RLF: variants seen among roughly 807,000 people sequenced by gnomAD.
The protein encoded by RLF is RLF zinc finger.
A neutral mutation model predicts 162.9 loss-of-function variants in RLF; 7 were observed. The ratio of observed to expected loss-of-function variants is 0.04; its 90% CI spans 0.02 to 0.08. The LOEUF is 0.08. RLF is among the 10% of genes least tolerant of loss of function. The pLI is 1.00. For synonymous variants in RLF, 782 were observed against 791.5 expected (o/e 0.99, Z 0.20); for missense variants, 1,664 against 2,244.7 (o/e 0.74, Z 5.23).
At chr1:40,210,969 A>G (rs1024893524) in intron 5 of RLF, among the ~76,000 whole-genome samples, 1 of 152,188 alleles carries the variant, frequency 6.6e-6, no homozygotes, top group Non-Finnish European at 1.5e-5. Context: ...AGGAAATACG[A>G]TTTGATACTA....
intron 5 of RLF, among the ~76,000 whole-genome samples, chr1:40,220,630 T>A (rs896443001): frequency 7.2e-5 from 11 of 152,210 alleles, no homozygotes; most frequent in African/African-American, 2.7e-4. Flanking sequence ...GGGCAAAAAT[T>A]AGATTGGCTT....
intron 7 of RLF, among the ~76,000 whole-genome samples, chr1:40,232,193 G>A (rs550919087): frequency 1.3e-5 from 2 of 150,540 alleles, no homozygotes; most frequent in South Asian, 4.2e-4. Context: ...AGGTGACAGA[G>A]TGAGACTTGG....
At chr1:40,232,607 C>T (rs1394354453) in intron 7 of RLF, among the ~76,000 whole-genome samples, 2 of 152,216 alleles carry the variant, frequency 1.3e-5, no homozygotes. Flanking sequence ...GGTCTGTTCT[C>T]AGGTGCTAGA....
At chr1:40,221,917 A>AAAAAAAAAAAAAAAAAAAAAAAAGAG (rs1486982312) in intron 5 of RLF, among the ~76,000 whole-genome samples, 3 of 150,372 alleles carry the variant, frequency 2.0e-5, no homozygotes, top group African/African-American at 7.4e-5. Flanking sequence ...AAAAAAAAAA[A>AAAAAAAAAAAAAAAAAAAAAAAAGAG]AGAGAAAGGA....
intron 3 of RLF, among the ~76,000 whole-genome samples, chr1:40,193,816 G>A (rs528056032): frequency 1.3e-5 from 2 of 152,226 alleles, no homozygotes; most frequent in South Asian, 4.1e-4. Flanking sequence ...GAAGGTTAAG[G>A]GATGGGGGAG....
intron 5 of RLF, among the ~76,000 whole-genome samples, chr1:40,208,593 T>C (rs1339721855): frequency 1.3e-5 from 2 of 152,108 alleles, no homozygotes; most frequent in African/African-American, 2.4e-5. Flanking sequence ...GGAGGGAAGA[T>C]TGCTTGAGGC....
At chr1:40,195,440 T>C (rs1269803161) in intron 3 of RLF, among the ~76,000 whole-genome samples, 192 bp from the exon 4 acceptor site, 1 of 151,172 alleles carries the variant, frequency 6.6e-6, no homozygotes, top group East Asian at 2.0e-4. Context: ...CAGAGTAAGA[T>C]TCTGTCTTTA....
chr1:40,232,140 G>A (rs1336530552), intron 7 of RLF, among the ~76,000 whole-genome samples: 3 of 151,904 alleles, frequency 2.0e-5, no homozygotes, highest in African/African-American at 2.4e-5. Context: ...CAGGGAAGGC[G>A]GAGGTTGTGG....
At chr1:40,182,229 C>T (rs966676742) in intron 1 of RLF, among the ~76,000 whole-genome samples, 26 of 152,154 alleles carry the variant, frequency 1.7e-4, no homozygotes, top group African/African-American at 6.3e-4. Context: ...GTCAAGAGAT[C>T]GAGACCATCC....
chr1:40,167,832 A>C (rs1642187390), intron 1 of RLF, among the ~76,000 whole-genome samples: 1 of 151,500 alleles, frequency 6.6e-6, no homozygotes. Flanking sequence ...TACTCACTAA[A>C]TGCTTGTTGA....
chr1:40,215,559 TAGAG>T (rs1294593383), intron 5 of RLF, among the ~76,000 whole-genome samples: 5 of 151,578 alleles, frequency 3.3e-5, no homozygotes, highest in Non-Finnish European at 5.9e-5. Flanking sequence ...AAAAAGAAAT[TAGAG>T]AGTAAGTTTT....
At chr1:40,206,226 C>T (rs1001519718) in intron 5 of RLF, among the ~76,000 whole-genome samples, 18 of 152,182 alleles carry the variant, frequency 1.2e-4, no homozygotes, top group African/African-American at 4.3e-4. Context: ...ATGCTAAATG[C>T]TTTATATACT....
At chr1:40,213,348 G>A (rs966647293) in intron 5 of RLF, among the ~76,000 whole-genome samples, 3 of 152,180 alleles carry the variant, frequency 2.0e-5, no homozygotes, top group Non-Finnish European at 4.4e-5. Context: ...CAGACATATT[G>A]TCAAGAATTC....
intron 1 of RLF, among the ~76,000 whole-genome samples, chr1:40,174,082 T>C (rs112586450): frequency 4.6e-5 from 7 of 152,280 alleles, no homozygotes; most frequent in African/African-American, 1.7e-4. Flanking sequence ...TTAAAAAATG[T>C]TGTGACCTGG....
intron 3 of RLF, among the ~76,000 whole-genome samples, chr1:40,192,872 CTT>C (rs1262317396): frequency 1.3e-5 from 2 of 152,068 alleles, no homozygotes; most frequent in South Asian, 2.1e-4. Flanking sequence ...AGCTGAGTAA[CTT>C]TTTTCCTATG....
intron 5 of RLF, among the ~76,000 whole-genome samples, chr1:40,212,422 CTT>C (rs1003339769): frequency 7.2e-5 from 11 of 152,166 alleles, no homozygotes; most frequent in Non-Finnish European, 1.6e-4. Flanking sequence ...TTGCTATTAA[CTT>C]TACATATTAA....
chr1:40,239,522 A>T lies in RLF; in HGVS notation c.4820A>T (p.Asp1607Val). The change falls in exon 8 of 8, where the codon GAT becomes GTT. Residue 1607 changes from aspartate to valine, a missense_variant. Physicochemically the swap from Asp to Val is radical, Grantham distance 152 (BLOSUM62 -3). Transcript: ENST00000372771. ...AAGGAGGAACCCCCTTCTGAAGCAGATCCCTGTATAAAGAAAGAAGAAAAT... is the reference window on the plus strand; with the variant it reads ...AAGGAGGAACCCCCTTCTGAAGCAGTTCCCTGTATAAAGAAAGAAGAAAAT... ...KIKEEPPSEA[D>V]PCIKKEENRS... The T allele has an allele frequency of 6.2e-7, 1 of 1,614,034 alleles. No individual in the cohort carries two copies. The highest frequency in any genetic ancestry group is 8.5e-7 in the Non-Finnish European group (1 of 1,180,014).
intron 1 of RLF, among the ~76,000 whole-genome samples, chr1:40,173,073 G>GT (rs765020752): frequency 0.052 from 6,751 of 128,916 alleles, 400 homozygotes; most frequent in South Asian, 0.1. Context: ...TAACATTCAG[G>GT]TTTTTTTTTT....
At chr1:40,186,553 G>C (rs1642483191) in intron 1 of RLF, among the ~76,000 whole-genome samples, 2 of 152,170 alleles carry the variant, frequency 1.3e-5, no homozygotes, top group Non-Finnish European at 2.9e-5. Flanking sequence ...CGTTCTAAGT[G>C]GACAGGTGGA....
Sources: gnomAD v4.1 joint callset for allele counts (sites outside exome capture counted in the v4.1 genomes callset) on GRCh38, gnomAD v4.1.1 for gene constraint, MANE v1.5 for transcripts, NCBI Gene and HGNC (gene_info 2026-07-23, HGNC 2026-07-21) for gene names.